Variants in HLA-G observed in about 807,000 individuals in gnomAD.
HLA-G encodes the protein HLA class I histocompatibility antigen, alpha chain G.
Under a neutral mutation model 39.3 loss-of-function variants are expected in HLA-G, and 34 were observed. The observed-to-expected ratio is 0.86, with a 90% confidence interval of 0.66 to 1.15. The LOEUF (loss-of-function observed/expected upper bound fraction) is 1.15. Among genes scored for constraint, HLA-G ranks in the 50% most tolerant of loss-of-function variants. HLA-G has a pLI of 0.00. For missense variants in HLA-G, 419 were observed against 456.4 expected, an observed-to-expected ratio of 0.92 and a Z score of 0.75; for synonymous variants, 183 against 185.8, an observed-to-expected ratio of 0.99 and a Z score of 0.12.
rs1180775986 is a variant in HLA-G at position 29,829,422 on chromosome 6, C to T, written c.624C>T (p.Pro208=). 6.2e-7 allele frequency: 1 copy of T among 1,613,486 alleles called. No homozygotes were observed. Among genetic ancestry groups the T allele is most frequent in the Non-Finnish European group, 8.5e-7 (1 of 1,179,678 alleles). Residue 208 remains proline, a synonymous_variant, in exon 4 of 7, where the codon CCC becomes CCT. Coordinates refer to ENST00000360323, the MANE Select transcript of HLA-G (RefSeq NM_001384290.1). ...TTTTCTGACTCTTCCTTTCAGACCCCCCCAAGACACACGTGACCCACCACC... is the reference window on the plus strand; with the variant it reads ...TTTTCTGACTCTTCCTTTCAGACCCTCCCAAGACACACGTGACCCACCACC... The part of the protein sequence containing the change: ...NGKEMLQRAD[P]PKTHVTHHPV...
upstream of HLA-G, chr6:29,827,680 T>C (rs1379305022): frequency 2.7e-6 from 2 of 747,052 alleles, no homozygotes; most frequent in Admixed American, 2.0e-5. Context: ...CTCTCCTCCT[T>C]CTCCTAACCT....
upstream of HLA-G, chr6:29,827,635 GGT>G: frequency 1.6e-6 from 1 of 623,428 alleles, no homozygotes; most frequent in Non-Finnish European, 2.9e-6. Flanking sequence ...CCCCACAGGC[GGT>G]GTATGGGTTG....
At chr6:29,828,455 C>T in intron 2 of HLA-G, 88 bp from the exon 3 acceptor site, 2 of 1,524,616 alleles carry the variant, frequency 1.3e-6, no homozygotes, top group Non-Finnish European at 1.8e-6. Flanking sequence ...CTGGGAGAAC[C>T]CCAAGGCGCC....
At chr6:29,827,496 T>C, upstream of HLA-G, 1 of 370,642 alleles carries the variant, frequency 2.7e-6, no homozygotes, top group Non-Finnish European at 5.2e-6. Context: ...TGCCGAGGGT[T>C]TCTCCCTGGT....
chr6:29,826,982 G>A (rs903185065), upstream of HLA-G: 31 of 515,054 alleles, frequency 6.0e-5, no homozygotes, highest in African/African-American at 5.6e-4. Flanking sequence ...GTAACATAGT[G>A]TGGTACTTTG....
At chr6:29,826,904 T>G (rs1261772615), upstream of HLA-G, 1 of 459,682 alleles carries the variant, frequency 2.2e-6, no homozygotes, top group Non-Finnish European at 4.5e-6. Context: ...AGGGGCATTG[T>G]GACTGCACTG....
chr6:29,828,871 G>A (rs1419379925), intron 3 of HLA-G, 53 bp downstream of exon 3: 12 of 1,611,880 alleles, frequency 7.4e-6, no homozygotes, highest in African/African-American at 1.3e-5. Flanking sequence ...TCTCAGCCTG[G>A]CCTAGCACAA....
In HLA-G at chr6:29,829,731, A is replaced by AAG. The variant is rs748890089; in HGVS notation, c.895+39_895+40dup. 1.6e-5 allele frequency: 26 copies of AAG among 1,608,100 alleles called. 1 individual carries two copies. The highest frequency in any genetic ancestry group is 3.3e-4 in the Middle Eastern group (2 of 6,022). ...ATGGAGGCATCATGTCTGTTAGGGAAAGCAGGAGCCTCTCTGAAGACCTTT... is the reference window on the plus strand; with the variant it reads ...ATGGAGGCATCATGTCTGTTAGGGAAAGAGCAGGAGCCTCTCTGAAGACCTTT... On this transcript the variant is annotated intron_variant, in intron 4 of 6. Coordinates refer to ENST00000360323, the MANE Select transcript of HLA-G (RefSeq NM_001384290.1).
chr6:29,829,971 TC>T, intron 5 of HLA-G, 39 bp downstream of exon 5: 1 of 1,446,694 alleles, frequency 6.9e-7, no homozygotes, highest in Non-Finnish European at 9.7e-7. Flanking sequence ...AGTTTTCTTG[TC>T]CCACTGGGGG....
chr6:29,829,277 T>A, intron 3 of HLA-G, 141 bp from the exon 4 acceptor site: 2 of 917,248 alleles, frequency 2.2e-6, no homozygotes, highest in South Asian at 3.2e-5. Context: ...CAGGTGCCCG[T>A]GTCCAGGCTG....
Position 29,828,673 on chromosome 6 carries a change from C to T in HLA-G, c.474C>T (p.Thr158=), listed in dbSNP as rs1562469676. The change falls in exon 3 of 7, where the codon ACC becomes ACT. Residue 158 remains threonine (T), a synonymous_variant. Transcript: ENST00000360323. ...LALNEDLRSW[T]AADTAAQISK... ...TGAACGAGGACCTGCGCTCCTGGAC[C>T]GCAGCGGACACTGCGGCTCAGATCT... 15 of 1,613,584 alleles carry T rather than the reference C, an allele frequency of 9.3e-6. No individual in the cohort carries two copies. Among genetic ancestry groups the T allele is most frequent in the Non-Finnish European group, 1.3e-5 (15 of 1,180,028 alleles).
At chr6:29,828,409 C>A in intron 2 of HLA-G, 93 bp downstream of exon 2, 2 of 1,550,128 alleles carry the variant, frequency 1.3e-6, no homozygotes, top group East Asian at 2.3e-5. Flanking sequence ...GTCTGGGATC[C>A]ACCCCGAGGC....
chr6:29,827,950 G>T, intron 1 of HLA-G, 33 bp downstream of exon 1: 1 of 1,595,586 alleles, frequency 6.3e-7, no homozygotes. Flanking sequence ...AACAGCCCCT[G>T]CGCGGAGGAG....
At chr6:29,827,299 A>AG (rs201221694), upstream of HLA-G, 9,359 of 354,962 alleles carry the variant, frequency 0.026, 182 homozygotes, top group Admixed American at 0.063. Flanking sequence ...TCCAGATTTA[A>AG]GGGGGAAAAA....
chr6:29,828,399 G>A (rs373441297), intron 2 of HLA-G, 83 bp downstream of exon 2: 2 of 1,555,840 alleles, frequency 1.3e-6, no homozygotes, highest in African/African-American at 2.7e-5. Flanking sequence ...GAGTCTCCGG[G>A]TCTGGGATCC....
rs78295860 is a variant in HLA-G at position 29,828,585 on chromosome 6, C to G, written c.386C>G (p.Ser129Cys). 5.0e-6 allele frequency: 8 copies of G among 1,613,048 alleles called. No individual in the cohort carries two copies. Among genetic ancestry groups the G allele is most frequent in the Non-Finnish European group, 4.2e-6 (5 of 1,179,968 alleles). Residue 129 changes from serine to cysteine, a missense_variant, in exon 3 of 7, where the codon TCC becomes TGC. This residue lies in a region of HLA-G where 328 missense variants were observed against 323.0 expected (regional missense o/e 1.02). Transcript: ENST00000360323. ...LQWMIGCDLG[S>C]DGRLLRGYEQ... ...TGGATGATTGGCTGCGACCTGGGGT[C>G]CGACGGACGCCTCCTCCGCGGGTAT...
chr6:29,830,672 T>G, intron 6 of HLA-G, 96 bp from the exon 7 acceptor site: 1 of 647,364 alleles, frequency 1.5e-6, no homozygotes, highest in Non-Finnish European at 2.9e-6. Flanking sequence ...CTATGAGGTT[T>G]CTTTGACTTC....
chr6:29,828,913 T>C, intron 3 of HLA-G, 95 bp downstream of exon 3: 1 of 1,490,440 alleles, frequency 6.7e-7, no homozygotes, highest in Non-Finnish European at 9.3e-7. Flanking sequence ...AACACTAGAA[T>C]ATCGCCCTCC....
chr6:29,828,582 G>T lies in HLA-G; in HGVS notation c.383G>T (p.Gly128Val), dbSNP rs77824819. Residue 128 changes from glycine (G) to valine (V), a missense_variant, in exon 3 of 7, where the codon GGG becomes GTG. Transcript: ENST00000360323. ...TLQWMIGCDL[G>V]SDGRLLRGYE... is the part of the protein sequence containing the mutation. ...CAGTGGATGATTGGCTGCGACCTGGGGTCCGACGGACGCCTCCTCCGCGGG... is the reference window on the plus strand; with the variant it reads ...CAGTGGATGATTGGCTGCGACCTGGTGTCCGACGGACGCCTCCTCCGCGGG... 8.3e-5 allele frequency: 134 copies of T among 1,612,918 alleles called. No homozygotes were observed. The African/African-American group carries it at 1.7e-3, about 20-fold the overall frequency.
Sources: gnomAD v4.1 joint callset for allele counts on GRCh38, gnomAD v4.1.1 for gene constraint, gnomAD v4.1.1 regional missense constraint, MANE v1.5 for transcripts, NCBI Gene and HGNC (gene_info 2026-07-23, HGNC 2026-07-21) for gene names.